The following DPYD variants were observed in gnomAD, a reference collection of about 807,000 sequenced individuals.
DPYD encodes dihydropyrimidine dehydrogenase, also known as dihydropyrimidine dehydrogenase [NADP(+)].
DPYD carries 109 observed loss-of-function variants against 116.2 expected under a neutral mutation model. That is an observed-to-expected ratio of 0.94 (90% CI 0.80 to 1.10). The LOEUF (loss-of-function observed/expected upper bound fraction) is 1.10, where lower values mean the gene tolerates loss of function less well. Ranked by LOEUF, DPYD falls within the 50% of genes least tolerant of loss-of-function variation. DPYD has a pLI of 0.00. For synonymous variants in DPYD, 440 were observed against 432.0 expected (o/e 1.02, Z -0.23); for missense variants, 1,302 against 1,254.5 (o/e 1.04, Z -0.57).
At chr1:97,821,934 A>G (rs994589588) in intron 3 of DPYD, among the ~76,000 whole-genome samples, 1 of 152,064 alleles carries the variant, frequency 6.6e-6, no homozygotes. Flanking sequence ...ACAAAAAAGT[A>G]AGAGTAAAAT....
intron 19 of DPYD, among the ~76,000 whole-genome samples, chr1:97,213,352 T>C (rs1421598106): frequency 6.6e-6 from 1 of 152,186 alleles, no homozygotes; most frequent in Non-Finnish European, 1.5e-5. Flanking sequence ...TTAACCATGA[T>C]AATTTTTTTA....
At chr1:97,863,430 C>T (rs1368959330) in intron 2 of DPYD, among the ~76,000 whole-genome samples, 2 of 151,748 alleles carry the variant, frequency 1.3e-5, no homozygotes, top group Non-Finnish European at 2.9e-5. Context: ...TATTAGAGAA[C>T]CATGCAGATA....
chr1:97,415,065 A>G (rs1202053907), intron 14 of DPYD, among the ~76,000 whole-genome samples: 1 of 152,210 alleles, frequency 6.6e-6, no homozygotes, highest in African/African-American at 2.4e-5. Context: ...CTAAAGCTAT[A>G]AAAGAAGAAG....
At chr1:97,189,551 A>G (rs1485571136) in intron 20 of DPYD, among the ~76,000 whole-genome samples, 2 of 152,218 alleles carry the variant, frequency 1.3e-5, no homozygotes, top group African/African-American at 2.4e-5. Context: ...GAATGTCAAC[A>G]TAACTCTTAT....
intron 4 of DPYD, among the ~76,000 whole-genome samples, chr1:97,737,645 C>T (rs185719147): frequency 1.3e-5 from 2 of 152,156 alleles, no homozygotes; most frequent in African/African-American, 2.4e-5. Context: ...AACTGGAAAG[C>T]AGAAAGCACC....
rs981871621 is a variant in DPYD at position 97,920,352 on chromosome 1, T to C, written c.39+532A>G. Among the ~76,000 whole-genome samples, 21 of 152,178 alleles carry C rather than the reference T, an allele frequency of 1.4e-4. 1 individual carries two copies. The highest frequency in any genetic ancestry group is 1.1e-3 in the Admixed American group (17 of 15,288). On this transcript the variant is annotated intron_variant, in intron 1 of 22. Transcript: ENST00000370192. ...GTTCTGAATACTTCGTTCCATTCTC[T>C]CCATGTTAAATTATTTCATAAACAA...
intron 8 of DPYD, among the ~76,000 whole-genome samples, chr1:97,647,663 T>C (rs1327781207): frequency 6.6e-6 from 1 of 152,016 alleles, no homozygotes; most frequent in East Asian, 1.9e-4. Flanking sequence ...TTATCTCTAA[T>C]TACTGACTTG....
At chr1:97,144,406 C>T (rs1654458408) in intron 20 of DPYD, among the ~76,000 whole-genome samples, 1 of 152,180 alleles carries the variant, frequency 6.6e-6, no homozygotes, top group African/African-American at 2.4e-5. Context: ...TCTGGTCATT[C>T]TACACGAAAA....
At chr1:97,452,735 C>T (rs1276828447) in intron 13 of DPYD, among the ~76,000 whole-genome samples, 1 of 151,966 alleles carries the variant, frequency 6.6e-6, no homozygotes, top group Non-Finnish European at 1.5e-5. Flanking sequence ...CATCTCTCCC[C>T]TCTTTCTCTT....
Position 97,373,629 on chromosome 1 carries a change from C to T in DPYD, c.1990G>A (p.Ala664Thr). 1.9e-6 allele frequency: 3 copies of T among 1,613,776 alleles called. No homozygotes were observed. The highest frequency in any genetic ancestry group is 2.5e-6 in the Non-Finnish European group (3 of 1,179,736). The part of the protein sequence containing the change: ...AKKSEDSGAD[A>T]LELNLSCPHG... ...GGACATGATAAATTTAACTCCAGGG[C>T]ATCTGCTCCAGAATCCTTTAAACAA... The change falls in exon 16 of 23, where the codon GCC (alanine) becomes ACC (threonine). Residue 664 changes from alanine (A) to threonine (T), a missense_variant. Physicochemically the swap from Ala to Thr is moderately conservative, Grantham distance 58 (BLOSUM62 0). Coordinates refer to ENST00000370192, the MANE Select transcript of DPYD (RefSeq NM_000110.4).
intron 11 of DPYD, among the ~76,000 whole-genome samples, chr1:97,572,144 A>C (rs917980182): frequency 6.6e-6 from 1 of 151,988 alleles, no homozygotes; most frequent in Non-Finnish European, 1.5e-5. Context: ...AATTTATAAG[A>C]GGTGGCATAT....
intron 3 of DPYD, among the ~76,000 whole-genome samples, chr1:97,772,268 A>C (rs1195780313): frequency 6.6e-6 from 1 of 152,160 alleles, no homozygotes; most frequent in Non-Finnish European, 1.5e-5. Flanking sequence ...GCACTGCACA[A>C]GGTCATGAGG....
intron 3 of DPYD, among the ~76,000 whole-genome samples, chr1:97,820,088 T>C (rs1668841664): frequency 6.6e-6 from 1 of 152,156 alleles, no homozygotes; most frequent in South Asian, 2.1e-4. Flanking sequence ...TCATGGTTCA[T>C]GTAGAAGTAT....
chr1:97,437,038 G>T (rs1675509122), intron 14 of DPYD, among the ~76,000 whole-genome samples: 2 of 151,528 alleles, frequency 1.3e-5, no homozygotes. Context: ...ATTTATTAAA[G>T]TATACAATAA....
At chr1:97,804,684 G>T (rs1667999117) in intron 3 of DPYD, among the ~76,000 whole-genome samples, 1 of 151,744 alleles carries the variant, frequency 6.6e-6, no homozygotes, top group African/African-American at 2.4e-5. Flanking sequence ...AAGATAACAG[G>T]TTGCATATTC....
intron 1 of DPYD, among the ~76,000 whole-genome samples, chr1:97,908,290 C>T (rs1673746998): frequency 6.6e-6 from 1 of 152,028 alleles, no homozygotes; most frequent in Admixed American, 6.5e-5. Flanking sequence ...AAACAATCCA[C>T]ACCACTTGGC....
intron 3 of DPYD, among the ~76,000 whole-genome samples, chr1:97,742,493 C>G (rs1394068220): frequency 3.3e-5 from 5 of 152,098 alleles, no homozygotes; most frequent in African/African-American, 1.2e-4. Context: ...TATCATTTCT[C>G]TAAATGCCAT....
chr1:97,116,994 C>CAAAAAAAAA (rs397784957), intron 20 of DPYD, among the ~76,000 whole-genome samples: 14 of 107,096 alleles, frequency 1.3e-4, no homozygotes, highest in East Asian at 2.4e-4. Flanking sequence ...ACTAAAAATA[C>CAAAAAAAAA]AAAAAAAAAA....
rs551994557 is a variant in DPYD at position 97,479,508 on chromosome 1, A to G, written c.1741-29285T>C. Among the ~76,000 whole-genome samples the G allele has an allele frequency of 3.9e-5, 6 of 152,342 alleles. No individual in the cohort carries two copies. The South Asian group carries it at 1.2e-3, about 32-fold the overall frequency. On this transcript the variant is annotated intron_variant, in intron 13 of 22. Coordinates refer to ENST00000370192, the MANE Select transcript of DPYD (RefSeq NM_000110.4). Reference sequence around the variant, plus strand: ...TTTGTGGTGCTCCAAAGCAATTACAATAACATCAAAGATCATTGGTGTAAC... The same window carrying G: ...TTTGTGGTGCTCCAAAGCAATTACAGTAACATCAAAGATCATTGGTGTAAC...
Sources: gnomAD v4.1 joint callset for allele counts (sites outside exome capture counted in the v4.1 genomes callset) on GRCh38, gnomAD v4.1.1 for gene constraint, MANE v1.5 for transcripts, NCBI Gene and HGNC (gene_info 2026-07-23, HGNC 2026-07-21) for gene names.